Variants in GRIA1 observed in about 807,000 individuals in gnomAD.
GRIA1 encodes glutamate receptor 1.
In GRIA1, 31 loss-of-function variants were observed where a neutral mutation model predicts 99.2. That is an observed-to-expected ratio of 0.31 (90% CI 0.23 to 0.42). GRIA1 has a LOEUF of 0.42. Ranked by LOEUF, GRIA1 falls within the 10% of genes least tolerant of loss-of-function variation. The probability of loss-of-function intolerance (pLI) is 1.00; values close to 1 mark genes in which losing one functional copy is unlikely to be tolerated. For synonymous variants in GRIA1, 438 were observed against 432.4 expected (o/e 1.01, Z -0.16); for missense variants, 782 against 1,157.5 (o/e 0.68, Z 4.71).
At chr5:153,544,673 A>G (rs1451212402) in intron 2 of GRIA1, among the ~76,000 whole-genome samples, 1 of 152,222 alleles carries the variant, frequency 6.6e-6, no homozygotes, top group Non-Finnish European at 1.5e-5. Flanking sequence ...AAGAGATTTA[A>G]TTTAGATAAA....
At chr5:153,635,288 G>A (rs568050220) in intron 2 of GRIA1, among the ~76,000 whole-genome samples, 4 of 152,330 alleles carry the variant, frequency 2.6e-5, no homozygotes, top group African/African-American at 9.6e-5. Context: ...GTTCCTTGCG[G>A]TAGTGGTTCA....
intron 11 of GRIA1, among the ~76,000 whole-genome samples, chr5:153,731,421 C>A (rs1245575439): frequency 1.3e-5 from 2 of 152,032 alleles, no homozygotes; most frequent in Non-Finnish European, 2.9e-5. Context: ...CTCAGGGGAC[C>A]CTTTCCTGAT....
intron 11 of GRIA1, among the ~76,000 whole-genome samples, chr5:153,725,175 T>C (rs1057324044): frequency 7.9e-5 from 12 of 151,818 alleles, no homozygotes; most frequent in African/African-American, 2.9e-4. Context: ...AGAAATAAAA[T>C]ACTTTACAGA....
chr5:153,531,329 G>C (rs1032984725), intron 2 of GRIA1, among the ~76,000 whole-genome samples: 1 of 152,102 alleles, frequency 6.6e-6, no homozygotes, highest in South Asian at 2.1e-4. Context: ...GGCCTTCCTG[G>C]GGATCTTCTC....
chr5:153,537,314 G>A (rs908404941), intron 2 of GRIA1, among the ~76,000 whole-genome samples: 10 of 152,328 alleles, frequency 6.6e-5, no homozygotes, highest in Middle Eastern at 3.4e-3. Flanking sequence ...ACCAGACCCT[G>A]CACATCAAGG....
At chr5:153,699,505 T>C (rs894423525) in intron 10 of GRIA1, among the ~76,000 whole-genome samples, 1 of 152,210 alleles carries the variant, frequency 6.6e-6, no homozygotes, top group Admixed American at 6.5e-5. Flanking sequence ...TTCAGTCAAA[T>C]GCCCCTTAAT....
chr5:153,641,643 C>T (rs1275576556), intron 2 of GRIA1, among the ~76,000 whole-genome samples: 4 of 152,204 alleles, frequency 2.6e-5, no homozygotes, highest in Non-Finnish European at 5.9e-5. Context: ...CTATCTCTGC[C>T]AGGCCTTTGC....
intron 2 of GRIA1, among the ~76,000 whole-genome samples, chr5:153,588,028 G>A (rs1315142631): frequency 4.6e-5 from 7 of 152,146 alleles, no homozygotes; most frequent in South Asian, 2.1e-4. Context: ...TTAAGGTATC[G>A]AATGGAGGAA....
chr5:153,506,637 C>T (rs1351011408), intron 2 of GRIA1, among the ~76,000 whole-genome samples: 1 of 152,084 alleles, frequency 6.6e-6, no homozygotes, highest in African/African-American at 2.4e-5. Flanking sequence ...CAAGGGAGAA[C>T]AAAGAACATC....
chr5:153,570,442 G>C (rs1049442958), intron 2 of GRIA1, among the ~76,000 whole-genome samples: 5 of 152,182 alleles, frequency 3.3e-5, no homozygotes, highest in Non-Finnish European at 5.9e-5. Flanking sequence ...AGTTTACAAA[G>C]CATTCCATTT....
intron 7 of GRIA1, among the ~76,000 whole-genome samples, chr5:153,684,851 G>C (rs745473910): frequency 6.6e-6 from 1 of 152,180 alleles, no homozygotes; most frequent in Non-Finnish European, 1.5e-5. Context: ...AGAAAGTAAA[G>C]AGCATGTTGT....
intron 2 of GRIA1, among the ~76,000 whole-genome samples, chr5:153,618,411 A>T (rs1296224380): frequency 6.6e-6 from 1 of 152,198 alleles, no homozygotes; most frequent in African/African-American, 2.4e-5. Flanking sequence ...GCAAAGCTAT[A>T]TAAATGTGTG....
chr5:153,720,774 T>A (rs1165521060), intron 11 of GRIA1, among the ~76,000 whole-genome samples: 1 of 152,226 alleles, frequency 6.6e-6, no homozygotes, highest in Admixed American at 6.5e-5. Flanking sequence ...TCGAATGATC[T>A]GACATTCTAC....
chr5:153,794,985 A>G (rs981096293), intron 14 of GRIA1, among the ~76,000 whole-genome samples: 1 of 152,144 alleles, frequency 6.6e-6, no homozygotes, highest in Non-Finnish European at 1.5e-5. Flanking sequence ...TCCCATAACC[A>G]AGATATGAGG....
At chr5:153,747,243 G>A (rs2038885807) in intron 11 of GRIA1, among the ~76,000 whole-genome samples, 1 of 152,172 alleles carries the variant, frequency 6.6e-6, no homozygotes, top group Non-Finnish European at 1.5e-5. Flanking sequence ...GGAGCAGCGT[G>A]TCACATGGTA....
Position 153,677,172 on chromosome 5 carries a change from C to T in GRIA1, c.1029+11C>T, listed in dbSNP as rs1263653704. 2.8e-6 allele frequency: 4 copies of T among 1,440,200 alleles called. No homozygotes were observed. The African/African-American group carries it at 4.3e-5, about 16-fold the overall frequency. The allele number at this position is 1,440,200 out of a possible 1,614,324, so 89.2% of individuals were successfully genotyped here. ...AGAGCTCTGCAGCAGGTAAGACCACCAATGTTTGCCCCATCTCATAGGAGC... is the reference window on the plus strand; with the variant it reads ...AGAGCTCTGCAGCAGGTAAGACCACTAATGTTTGCCCCATCTCATAGGAGC... On this transcript the variant is annotated intron_variant, in intron 7 of 15. Transcript: ENST00000285900.
At chr5:153,656,385 ATATATATAT>A (rs1312306201) in intron 5 of GRIA1, among the ~76,000 whole-genome samples, 13 of 52,310 alleles carry the variant, frequency 2.5e-4, no homozygotes, top group Non-Finnish European at 5.1e-4. Context: ...AAGTTTGTTT[ATATATATAT>A]ATATATATAT....
At chr5:153,650,233 T>G (rs975313325) in intron 3 of GRIA1, 97 bp from the exon 4 acceptor site, 7 of 1,012,422 alleles carry the variant, frequency 6.9e-6, no homozygotes, top group Non-Finnish European at 1.0e-5. Flanking sequence ...AAGAGTGGGT[T>G]TGGGGGTAGC....
intron 2 of GRIA1, among the ~76,000 whole-genome samples, chr5:153,502,992 A>ATT (rs1346802475): frequency 6.6e-6 from 1 of 152,136 alleles, no homozygotes; most frequent in African/African-American, 2.4e-5. Flanking sequence ...TTATAACATG[A>ATT]TTTTTTGCAT....
Sources: allele counts gnomAD v4.1 joint callset (sites outside exome capture counted in the v4.1 genomes callset), GRCh38; gene constraint gnomAD v4.1.1; transcripts MANE v1.5; gene names NCBI Gene and HGNC (gene_info 2026-07-23, HGNC 2026-07-21).